The following FLNB variants were observed in gnomAD, a reference collection of about 807,000 sequenced individuals.
The protein encoded by FLNB is filamin-B.
FLNB carries 111 observed loss-of-function variants against 250.6 expected under a neutral mutation model. The observed-to-expected ratio is 0.44, with a 90% CI of 0.38 to 0.52. The LOEUF (loss-of-function observed/expected upper bound fraction) is 0.52. FLNB is among the 20% of genes least tolerant of loss of function. The pLI, the probability that FLNB is intolerant of heterozygous loss-of-function variation, is 0.00. For missense variants in FLNB, 2,869 were observed against 3,447.8 expected, an observed-to-expected ratio of 0.83 and a Z score of 4.20; for synonymous variants, 1,302 against 1,372.1, an observed-to-expected ratio of 0.95 and a Z score of 1.13.
At chr3:58,161,184 G>A (rs187258482) in intron 42 of FLNB, among the ~76,000 whole-genome samples, 1 of 152,280 alleles carries the variant, frequency 6.6e-6, no homozygotes, top group African/African-American at 2.4e-5. Flanking sequence ...GAAATGGAGA[G>A]GAGGGACTTG....
chr3:58,026,092 C>A (rs2097123242), intron 1 of FLNB, among the ~76,000 whole-genome samples: 1 of 152,184 alleles, frequency 6.6e-6, no homozygotes, highest in Non-Finnish European at 1.5e-5. Context: ...CCCTGCACTT[C>A]CCACTTAGCC....
At chr3:58,025,415 C>T (rs1393620571) in intron 1 of FLNB, among the ~76,000 whole-genome samples, 1 of 152,154 alleles carries the variant, frequency 6.6e-6, no homozygotes. Context: ...CAGGCATAAG[C>T]CTCTGCACCT....
At chr3:58,035,327 G>A (rs1473369568) in intron 1 of FLNB, among the ~76,000 whole-genome samples, 1 of 152,200 alleles carries the variant, frequency 6.6e-6, no homozygotes, top group Admixed American at 6.5e-5. Context: ...ATTAAAAGCT[G>A]TTACTTAGAC....
chr3:58,017,556 G>T (rs1464436024), intron 1 of FLNB, among the ~76,000 whole-genome samples: 1 of 152,144 alleles, frequency 6.6e-6, no homozygotes, highest in Non-Finnish European at 1.5e-5. Context: ...CCTGGCCAGT[G>T]TCAGGATTTA....
At chr3:58,032,763 A>C (rs1187576064) in intron 1 of FLNB, among the ~76,000 whole-genome samples, 2 of 152,134 alleles carry the variant, frequency 1.3e-5, no homozygotes, top group African/African-American at 4.8e-5. Flanking sequence ...AGATGGGTTT[A>C]ATTTTTGAAA....
chr3:58,146,184 C>A, intron 33 of FLNB, 135 bp downstream of exon 33: 1 of 1,039,802 alleles, frequency 9.6e-7, no homozygotes. Flanking sequence ...TCGTGTAAAT[C>A]TGTTTCTTCT....
intron 15 of FLNB, 110 bp downstream of exon 15, chr3:58,109,809 A>G: frequency 1.3e-6 from 2 of 1,482,676 alleles, no homozygotes; most frequent in Non-Finnish European, 1.9e-6. Flanking sequence ...CTGAATAGGT[A>G]ATCATCTACT....
chr3:58,008,471 C>T lies in FLNB; in HGVS notation c.-94C>T. On this transcript the variant is annotated 5_prime_UTR_variant, in exon 1 of 46. Transcript: ENST00000295956. ...GTAGCAGCAAGTTCGAACCCCGCTCCCGCTCCGCTTCGGTTCTCGCTCCTT... is the reference window on the plus strand; with the variant it reads ...GTAGCAGCAAGTTCGAACCCCGCTCTCGCTCCGCTTCGGTTCTCGCTCCTT... 1.4e-6 allele frequency: 2 copies of T among 1,442,036 alleles called. No individual in the cohort carries two copies. The highest frequency in any genetic ancestry group is 3.9e-5 in the Admixed American group (2 of 50,854). The allele number at this position is 1,442,036 out of a possible 1,614,324, so 89.3% of individuals were successfully genotyped here.
intron 3 of FLNB, among the ~76,000 whole-genome samples, chr3:58,081,367 A>C (rs1648348549): frequency 6.6e-6 from 1 of 151,982 alleles, no homozygotes; most frequent in African/African-American, 2.4e-5. Context: ...ACTTTTGGGG[A>C]ATGGGGAGGA....
intron 8 of FLNB, among the ~76,000 whole-genome samples, chr3:58,100,763 G>A (rs2097249708): frequency 6.6e-6 from 1 of 151,388 alleles, no homozygotes; most frequent in South Asian, 2.1e-4. Flanking sequence ...GCCTGGCTAA[G>A]TTTTTTTGTA....
At chr3:58,154,770 C>A in intron 39 of FLNB, 21 bp from the exon 40 acceptor site, 1 of 1,613,320 alleles carries the variant, frequency 6.2e-7, no homozygotes, top group Non-Finnish European at 8.5e-7. Flanking sequence ...AGTCACTAAC[C>A]AGGTTTCTCT....
chr3:58,054,412 C>T (rs963596625), intron 1 of FLNB, among the ~76,000 whole-genome samples: 15 of 152,202 alleles, frequency 9.9e-5, no homozygotes, highest in East Asian at 5.8e-4. Flanking sequence ...TGTATTAGTC[C>T]GTTCTCAACA....
At chr3:58,117,278 A>AT (rs1311266187) in intron 18 of FLNB, among the ~76,000 whole-genome samples, 1 of 151,918 alleles carries the variant, frequency 6.6e-6, no homozygotes, top group African/African-American at 2.4e-5. Flanking sequence ...AATCTCCGAG[A>AT]TTTTTTCCCT....
intron 1 of FLNB, among the ~76,000 whole-genome samples, chr3:58,055,447 A>ACTTCCAAGAGTCTGC (rs1428035342): frequency 6.6e-6 from 1 of 152,190 alleles, no homozygotes; most frequent in African/African-American, 2.4e-5. Flanking sequence ...ATTTTCAGTG[A>ACTTCCAAGAGTCTGC]CTTCCAAGAG....
At position 58,119,062 on chromosome 3, in the gene FLNB, A is replaced by G. The variant is rs2097283834; in HGVS notation, c.2863+73A>G. On this transcript the variant is annotated intron_variant, in intron 19 of 45. Transcript: ENST00000295956. ...GTGGCTGCTGGTTAGATTTTCTTCA[A>G]AAGGTGAAATTTGCAGAGAAGCAAA... 4.4e-6 allele frequency: 5 copies of G among 1,148,858 alleles called. No individual in the cohort carries two copies. In the Admixed American group the frequency reaches 8.4e-5, roughly 19 times the overall value. The allele number at this position is 1,148,858 out of a possible 1,614,324, so 71.2% of individuals were successfully genotyped here.
intron 8 of FLNB, among the ~76,000 whole-genome samples, chr3:58,099,895 C>A (rs572093404): frequency 6.6e-6 from 1 of 152,206 alleles, no homozygotes. Context: ...TGCCTTTAAA[C>A]ACATCTAGGG....
At chr3:58,052,943 G>A (rs1452875894) in intron 1 of FLNB, among the ~76,000 whole-genome samples, 3 of 152,140 alleles carry the variant, frequency 2.0e-5, no homozygotes, top group Admixed American at 1.3e-4. Flanking sequence ...GTGTGTACAT[G>A]GGGGTATTTT....
At chr3:58,030,836 G>A (rs911723367) in intron 1 of FLNB, among the ~76,000 whole-genome samples, 2 of 152,060 alleles carry the variant, frequency 1.3e-5, no homozygotes, top group African/African-American at 4.8e-5. Context: ...GTGAGCTGTG[G>A]TTGCGCTGCT....
chr3:58,113,026 T>G (rs148544496), intron 18 of FLNB, among the ~76,000 whole-genome samples: 1 of 152,218 alleles, frequency 6.6e-6, no homozygotes, highest in African/African-American at 2.4e-5. Flanking sequence ...TAAAAAAAAT[T>G]TGTATCGTGG....
Sources: allele counts gnomAD v4.1 joint callset (sites outside exome capture counted in the v4.1 genomes callset), GRCh38; gene constraint gnomAD v4.1.1; transcripts MANE v1.5; gene names NCBI Gene and HGNC (gene_info 2026-07-23, HGNC 2026-07-21).